Variants in ITGA11 observed in about 807,000 individuals in gnomAD.
ITGA11 encodes integrin alpha-11.
ITGA11 carries 97 observed loss-of-function variants against 141.9 expected under a neutral mutation model. The observed-to-expected ratio is 0.68, with a 90% confidence interval of 0.58 to 0.81. ITGA11 has a LOEUF of 0.81. Among genes scored for constraint, ITGA11 ranks in the 30% least tolerant of loss-of-function variants. The pLI, the probability that ITGA11 is intolerant of heterozygous loss-of-function variation, is 0.00. For missense variants in ITGA11, 1,387 were observed against 1,559.2 expected (o/e 0.89, Z 1.86); for synonymous variants, 658 against 624.6 (o/e 1.05, Z -0.80).
chr15:68,409,094 G>A (rs992047194), intron 1 of ITGA11, among the ~76,000 whole-genome samples: 8 of 152,020 alleles, frequency 5.3e-5, no homozygotes, highest in Non-Finnish European at 1.0e-4. Context: ...CTGGTTCCTT[G>A]AGCTGGCCTC....
chr15:68,328,364 A>G lies in ITGA11; in HGVS notation c.1902-102T>C. ...AACCAGATGCGAGTGGGATCTGCAA[A>G]GCCACTGGAGGGGGTGAGGTGGAGG... On this transcript the variant is annotated intron_variant, in intron 15 of 29. Transcript: ENST00000315757. The surrounding 1 kb of genome is among the most constrained non-coding windows in gnomAD (Gnocchi z 4.8). The G allele has an allele frequency of 1.3e-6, 1 of 792,436 alleles. No homozygotes were observed. The highest frequency in any genetic ancestry group is 1.8e-6 in the Non-Finnish European group (1 of 552,080). 49.1% of individuals were successfully genotyped at this position (792,436 alleles called of 1,614,324 possible).
At position 68,412,756 on chromosome 15, in the gene ITGA11, A is replaced by C. The variant is rs546566033; in HGVS notation, c.53-9727T>G. ...AATGGTGTAATCTCGGCTCACTGCA[A>C]CCTCCGCCTCCCAGGTTCAAGCAAT... On this transcript the variant is annotated intron_variant, in intron 1 of 29. Coordinates refer to ENST00000315757, the MANE Select transcript of ITGA11 (RefSeq NM_001004439.2). Among the ~76,000 whole-genome samples, 3 of 140,608 alleles carry C rather than the reference A, an allele frequency of 2.1e-5. No homozygotes were observed. The South Asian group carries it at 7.0e-4, about 33-fold the overall frequency. The allele number at this position is 140,608 out of a possible 152,430, so 92.2% of individuals were successfully genotyped here. A position where few individuals can be genotyped will look rare whatever the true frequency, so the allele number is the denominator to read the frequency against.
intron 2 of ITGA11, among the ~76,000 whole-genome samples, chr15:68,381,007 C>A (rs567173757): frequency 5.5e-4 from 83 of 152,290 alleles, no homozygotes; most frequent in African/African-American, 1.8e-3. Flanking sequence ...TAACTTCTTG[C>A]CATTGGTCAT....
chr15:68,305,116 C>T lies in ITGA11; in HGVS notation c.3382-1231G>A, dbSNP rs1893151092. ...GGTCCCACCTGTCTTGCTGACCTCA[C>T]CTCCTGCTCCCTCTTGCTTTACTCC... On this transcript the variant is annotated intron_variant, in intron 28 of 29. Transcript: ENST00000315757. This position sits in a 1 kb window ranked among gnomAD's most constrained non-coding sequence, Gnocchi z 4.6. 6.6e-6 allele frequency among the ~76,000 whole-genome samples: 1 copy of T among 152,264 alleles called. No homozygotes were observed.
intron 12 of ITGA11, among the ~76,000 whole-genome samples, chr15:68,334,443 C>T (rs894796945): frequency 6.6e-6 from 1 of 152,198 alleles, no homozygotes; most frequent in Non-Finnish European, 1.5e-5. Context: ...CTGTCTGACA[C>T]CCTGGCTCAT....
intron 4 of ITGA11, among the ~76,000 whole-genome samples, chr15:68,362,937 AATGGATGATGGAT>A (rs1297805116): frequency 8.3e-5 from 1 of 12,042 alleles, no homozygotes; most frequent in Non-Finnish European, 2.2e-4. Context: ...ATGATGGATG[AATGGATGATGGAT>A]GAATGGATGA....
Position 68,328,590 on chromosome 15 carries a change from C to T in ITGA11, c.1902-328G>A, listed in dbSNP as rs1429711236. Among the ~76,000 whole-genome samples the T allele has an allele frequency of 6.6e-6, 1 of 152,156 alleles. No individual in the cohort carries two copies. The highest frequency in any genetic ancestry group is 1.5e-5 in the Non-Finnish European group (1 of 68,032). On this transcript the variant is annotated intron_variant, in intron 15 of 29. Transcript: ENST00000315757. The surrounding 1 kb of genome is among the most constrained non-coding windows in gnomAD (Gnocchi z 4.8). ...CATCTTTTATAGCAGTGGTTCCCCACCCTGGATGCACATGTGAGTCATCTG... is the reference window on the plus strand; with the variant it reads ...CATCTTTTATAGCAGTGGTTCCCCATCCTGGATGCACATGTGAGTCATCTG...
At position 68,369,208 on chromosome 15, in the gene ITGA11, C is replaced by T. The variant is rs995830321; in HGVS notation, c.241G>A (p.Gly81Arg). The T allele has an allele frequency of 1.4e-5, 22 of 1,613,678 alleles. No homozygotes were observed. Among genetic ancestry groups the T allele is most frequent in the South Asian group, 4.4e-5 (4 of 91,082 alleles). The change falls in exon 3 of 30, where the codon GGG becomes AGG. Residue 81 changes from glycine to arginine, a missense_variant. By Grantham distance (125) the Gly-to-Arg change is moderately radical. Coordinates refer to ENST00000315757, the MANE Select transcript of ITGA11 (RefSeq NM_001004439.2). ...CCCAGGTTGAGTTTGGTGCAGTTCCCGTGGATCACTGGACACTTGTACACG... is the reference window on the plus strand; with the variant it reads ...CCCAGGTTGAGTTTGGTGCAGTTCCTGTGGATCACTGGACACTTGTACACG... ...GDVYKCPVIH[G>R]NCTKLNLGRV...
chr15:68,336,008 G>C, intron 11 of ITGA11, 163 bp from the exon 12 acceptor site: 1 of 826,648 alleles, frequency 1.2e-6, no homozygotes, highest in Non-Finnish European at 1.9e-6. Flanking sequence ...CCTAGGGGCA[G>C]CTGGGGAGGC....
intron 1 of ITGA11, among the ~76,000 whole-genome samples, chr15:68,415,071 A>G (rs2140429066): frequency 6.6e-6 from 1 of 152,288 alleles, no homozygotes; most frequent in East Asian, 1.9e-4. Context: ...ACTCGTCAGC[A>G]TCTTACTTCT....
At position 68,418,169 on chromosome 15, in the gene ITGA11, C is replaced by G. The variant is rs1595899235; in HGVS notation, c.52+13846G>C. ...AATTCTTTCTATCCCATCCCAAGAG[C>G]CAGAATCAGTGTGTCTGTCTCCCCA... On this transcript the variant is annotated intron_variant, in intron 1 of 29. Transcript: ENST00000315757. Among the ~76,000 whole-genome samples, 4 of 152,340 alleles carry G rather than the reference C, an allele frequency of 2.6e-5. No homozygotes were observed. In the South Asian group the frequency reaches 8.3e-4, roughly 32 times the overall value.
At position 68,394,098 on chromosome 15, in the gene ITGA11, A is replaced by AC. The variant is rs1896178315; in HGVS notation, c.164+8819dup. 2.0e-5 allele frequency among the ~76,000 whole-genome samples: 3 copies of AC among 152,198 alleles called. No homozygotes were observed. In the South Asian group the frequency reaches 6.2e-4, roughly 32 times the overall value. On this transcript the variant is annotated intron_variant, in intron 2 of 29. Transcript: ENST00000315757. ...CTACTATGAACATCTATGCAAACAA[A>AC]CTAGAAAATCTAGAGGAAACACATA...
Position 68,333,410 on chromosome 15 carries a change from A to G in ITGA11, c.1426-932T>C, listed in dbSNP as rs1201963087. Among the ~76,000 whole-genome samples the G allele has an allele frequency of 6.6e-6, 1 of 152,166 alleles. No homozygotes were observed. The highest frequency in any genetic ancestry group is 1.5e-5 in the Non-Finnish European group (1 of 68,030). ...GCCACTGTTTTTAATTTTTGATGTT[A>G]TAAATCATTCTGGCATTAGCATCGT... On this transcript the variant is annotated intron_variant, in intron 12 of 29. Coordinates refer to ENST00000315757, the MANE Select transcript of ITGA11 (RefSeq NM_001004439.2). The surrounding 1 kb of genome is among the most constrained non-coding windows in gnomAD (Gnocchi z 4.2).
In ITGA11 at chr15:68,348,915, C is replaced by G. The variant is rs1567139224; in HGVS notation, c.1061-15G>C. 4.1e-5 allele frequency: 66 copies of G among 1,598,528 alleles called. No individual in the cohort carries two copies. The highest frequency in any genetic ancestry group is 5.6e-5 in the Non-Finnish European group (66 of 1,171,922). On this transcript the variant is annotated splice_polypyrimidine_tract_variant and intron_variant, in intron 9 of 29. Transcript: ENST00000315757. ...CTTGTTGGTGCCTGCAACAGAGTGA[C>G]AGAGAGATGTCAGCTCCATGCCCAA...
At chr15:68,370,702 G>A (rs1051692945) in intron 2 of ITGA11, among the ~76,000 whole-genome samples, 1 of 152,198 alleles carries the variant, frequency 6.6e-6, no homozygotes, top group African/African-American at 2.4e-5. Flanking sequence ...TTTCGATCCC[G>A]AGGGATGGAG....
At chr15:68,364,854 G>A in intron 3 of ITGA11, 56 bp from the exon 4 acceptor site, 1 of 1,528,970 alleles carries the variant, frequency 6.5e-7, no homozygotes, top group Admixed American at 1.7e-5. Context: ...CCTCTGCCCA[G>A]AGCCTGCTGC....
chr15:68,420,062 G>A (rs1039692736), intron 1 of ITGA11, among the ~76,000 whole-genome samples: 3 of 152,140 alleles, frequency 2.0e-5, no homozygotes, highest in Non-Finnish European at 2.9e-5. Flanking sequence ...TGGCTTGGTG[G>A]TTCCCAGGGA....
chr15:68,311,165 TCTC>T (rs1893368936), intron 25 of ITGA11, 85 bp from the exon 26 acceptor site: 2 of 1,310,698 alleles, frequency 1.5e-6, no homozygotes, highest in Non-Finnish European at 2.2e-6. Flanking sequence ...AGGTTTCTTT[TCTC>T]CTCCTCTAGC....
chr15:68,407,833 C>A (rs375439406), intron 1 of ITGA11, among the ~76,000 whole-genome samples: 2 of 152,378 alleles, frequency 1.3e-5, no homozygotes, highest in African/African-American at 4.8e-5. Context: ...AGCCACTCCA[C>A]TCCCTACAGG....
Sources: gnomAD v4.1 joint callset for allele counts (sites outside exome capture counted in the v4.1 genomes callset) on GRCh38, gnomAD v4.1.1 for gene constraint, Gnocchi (gnomAD v3.1) non-coding constraint, MANE v1.5 for transcripts, NCBI Gene and HGNC (gene_info 2026-07-23, HGNC 2026-07-21) for gene names.